The following DZANK1 variants were observed in gnomAD, a reference collection of about 807,000 sequenced individuals.
DZANK1 encodes the protein double zinc ribbon and ankyrin repeat domains 1, also known as double zinc ribbon and ankyrin repeat-containing protein 1.
DZANK1 carries 91 observed loss-of-function variants against 94.5 expected under a neutral mutation model. That is an observed-to-expected ratio of 0.96 (90% confidence interval 0.81 to 1.15). The LOEUF (loss-of-function observed/expected upper bound fraction) is 1.15, where lower values mean the gene tolerates loss of function less well. Among genes scored for constraint, DZANK1 ranks in the 50% most tolerant of loss-of-function variants. The pLI, the probability that DZANK1 is intolerant of heterozygous loss-of-function variation, is 0.00. For synonymous variants in DZANK1, 312 were observed against 325.3 expected (o/e 0.96, Z 0.44); for missense variants, 903 against 916.4 (o/e 0.99, Z 0.19).
intron 9 of DZANK1, chr20:18,432,939 G>A (rs564010107): frequency 6.6e-6 from 1 of 152,272 alleles, no homozygotes; most frequent in African/African-American, 2.4e-5. Context: ...TTTCTTCCAT[G>A]TGACTAGTTC....
exon 21 of DZANK1, chr20:18,383,439 T>G (rs941453738): frequency 6.6e-6 from 1 of 152,150 alleles, no homozygotes; most frequent in Non-Finnish European, 1.5e-5. Context: ...GATGGGAATA[T>G]TGATGATTTC....
chr20:18,403,540 G>T (rs2148345949), intron 13 of DZANK1, among the ~76,000 whole-genome samples: 1 of 152,218 alleles, frequency 6.6e-6, no homozygotes, highest in Admixed American at 6.5e-5. Flanking sequence ...AACAATGGAG[G>T]GTGTGTTAAA....
chr20:18,449,358 T>TAAAAA (rs1569002557), intron 6 of DZANK1, among the ~76,000 whole-genome samples: 1 of 151,852 alleles, frequency 6.6e-6, no homozygotes, highest in African/African-American at 2.4e-5. Context: ...CCTGAACCCA[T>TAAAAA]AAAAATAAAA....
At position 18,427,326 on chromosome 20, in the gene DZANK1, T is replaced by C. The variant is rs147873048; in HGVS notation, c.862-167A>G. Among the ~76,000 whole-genome samples the C allele has an allele frequency of 3.6e-3, 542 of 152,132 alleles. 1 individual carries two copies. The highest frequency in any genetic ancestry group is 6.8e-3 in the Middle Eastern group (2 of 294). On this transcript the variant is annotated intron_variant, in intron 9 of 20. Transcript: ENST00000262547. ...GTTACTGTAAATAGTGTCAGACAAA[T>C]ATCTGTAGGTTTTTTTGGGTTTTTT...
intron 15 of DZANK1, chr20:18,394,741 G>T (rs2056237060): frequency 8.6e-6 from 4 of 464,686 alleles, no homozygotes; most frequent in Admixed American, 4.6e-5. Context: ...TTGGAATTAG[G>T]GTGTCATGAT....
intron 6 of DZANK1, among the ~76,000 whole-genome samples, chr20:18,451,221 G>A (rs2059089725): frequency 6.6e-6 from 1 of 152,202 alleles, no homozygotes; most frequent in Non-Finnish European, 1.5e-5. Context: ...TGGGATTACA[G>A]GCGTGAGCCA....
chr20:18,413,272 C>A (rs184807263), intron 12 of DZANK1: 3 of 194,256 alleles, frequency 1.5e-5, no homozygotes, highest in Admixed American at 5.4e-5. Context: ...CGTTGCACAA[C>A]GTCACTGCAT....
At position 18,422,202 on chromosome 20, in the gene DZANK1, T is replaced by TAAA. The variant is rs775814171; in HGVS notation, c.954+4864_954+4865insTTT. Among the ~76,000 whole-genome samples the TAAA allele has an allele frequency of 3.3e-5, 5 of 152,228 alleles. No homozygotes were observed. In the East Asian group the frequency reaches 9.6e-4, roughly 29 times the overall value. ...AGAAGTTTTTCAGTTTAATCCATTT[T>TAAA]GTGTTGATTTTAGTATATGGTGTGA... On this transcript the variant is annotated intron_variant, in intron 10 of 20. Coordinates refer to ENST00000262547, the Ensembl canonical transcript of DZANK1.
intron 7 of DZANK1, among the ~76,000 whole-genome samples, chr20:18,447,322 T>C (rs564875942): frequency 6.6e-6 from 1 of 151,820 alleles, no homozygotes; most frequent in Middle Eastern, 3.4e-3. Context: ...CTTAAAAAAA[T>C]ACAAAAATTA....
At chr20:18,433,896 G>T in intron 8 of DZANK1, 131 bp from the exon 9 acceptor site, 1 of 736,626 alleles carries the variant, frequency 1.4e-6, no homozygotes, top group Non-Finnish European at 2.2e-6. Context: ...TCAAAACCTA[G>T]GCAGGTCGGG....
chr20:18,454,416 T>C, intron 4 of DZANK1: 1 of 187,944 alleles, frequency 5.3e-6, no homozygotes, highest in Non-Finnish European at 1.1e-5. Flanking sequence ...CAAGCTTAAG[T>C]GAAACCCCTA....
exon 7 of DZANK1, chr20:18,449,004 T>C (rs955689896): frequency 3.1e-6 from 5 of 1,613,814 alleles, no homozygotes; most frequent in African/African-American, 1.3e-5. Flanking sequence ...CTGTCTCCCT[T>C]TGAATTCTCA....
At chr20:18,449,269 A>G (rs933303666) in intron 6 of DZANK1, among the ~76,000 whole-genome samples, 200 bp from the exon 7 acceptor site, 10 of 152,176 alleles carry the variant, frequency 6.6e-5, no homozygotes, top group Non-Finnish European at 1.5e-4. Context: ...TATTGGGTGC[A>G]GTGTTCACTA....
chr20:18,418,688 C>T (rs2057618690), intron 10 of DZANK1, among the ~76,000 whole-genome samples: 1 of 152,044 alleles, frequency 6.6e-6, no homozygotes, highest in African/African-American at 2.4e-5. Flanking sequence ...GTGCTTCACA[C>T]ACAAAATTGA....
At chr20:18,427,108 A>T in exon 10 of DZANK1, 2 of 1,613,174 alleles carry the variant, frequency 1.2e-6, no homozygotes, top group Non-Finnish European at 1.7e-6. Flanking sequence ...GTGACACAGT[A>T]TCTCAGGTGA....
At chr20:18,412,301 T>C (rs1244558728) in intron 13 of DZANK1, among the ~76,000 whole-genome samples, 1 of 152,180 alleles carries the variant, frequency 6.6e-6, no homozygotes, top group Non-Finnish European at 1.5e-5. Flanking sequence ...GTGAATTTTA[T>C]GTTATTTAAA....
At chr20:18,452,046 T>G (rs2424196) in intron 6 of DZANK1, 2 of 419,440 alleles carry the variant, frequency 4.8e-6, no homozygotes. Flanking sequence ...CAACCATACC[T>G]GACCGTTAGA....
chr20:18,443,628 T>G (rs1013615567), intron 7 of DZANK1, among the ~76,000 whole-genome samples, 164 bp from the exon 8 acceptor site: 1 of 152,200 alleles, frequency 6.6e-6, no homozygotes, highest in African/African-American at 2.4e-5. Context: ...ATCTAGGTCA[T>G]TTGGTCATTT....
At chr20:18,394,167 C>T in intron 16 of DZANK1, 87 bp downstream of exon 16, 1 of 1,182,116 alleles carries the variant, frequency 8.5e-7, no homozygotes, top group Non-Finnish European at 1.2e-6. Context: ...ACCGGGCTGT[C>T]AAACTCTTAG....
Sources: gnomAD v4.1 joint callset for allele counts (sites outside exome capture counted in the v4.1 genomes callset) on GRCh38, gnomAD v4.1.1 for gene constraint, MANE v1.5 for transcripts, NCBI Gene and HGNC (gene_info 2026-07-23, HGNC 2026-07-21) for gene names.